The following ESR1 variants were observed in gnomAD, a reference collection of about 807,000 sequenced individuals.
ESR1 encodes estrogen receptor.
Under a neutral mutation model 52.7 loss-of-function variants are expected in ESR1, and 12 were observed. The ratio of observed to expected loss-of-function variants is 0.23; its 90% CI spans 0.15 to 0.37. The LOEUF (loss-of-function observed/expected upper bound fraction) is 0.37, where lower values mean the gene tolerates loss of function less well. Ranked by LOEUF, ESR1 falls within the 10% of genes least tolerant of loss-of-function variation. ESR1 has a pLI of 1.00. For missense variants in ESR1, 584 were observed against 779.7 expected (o/e 0.75, Z 2.99); for synonymous variants, 305 against 316.8 (o/e 0.96, Z 0.39).
chr6:151,719,674 T>C (rs183476745), intron 2 of ESR1, among the ~76,000 whole-genome samples: 34 of 152,320 alleles, frequency 2.2e-4, no homozygotes, highest in Non-Finnish European at 3.5e-4. Flanking sequence ...TTTCATACTA[T>C]CTCTACAATT....
intron 5 of ESR1, among the ~76,000 whole-genome samples, chr6:152,014,650 A>G (rs983873483): frequency 2.6e-5 from 4 of 152,086 alleles, no homozygotes; most frequent in Non-Finnish European, 2.9e-5. Context: ...CAAGTCATCT[A>G]TGAACTGCTT....
intron 6 of ESR1, among the ~76,000 whole-genome samples, chr6:152,108,378 T>A (rs964772728): frequency 6.6e-6 from 1 of 152,274 alleles, no homozygotes; most frequent in African/African-American, 2.4e-5. Flanking sequence ...ACTGTACTTA[T>A]ACAAATTTCA....
At chr6:152,037,798 G>A (rs890435062) in intron 5 of ESR1, among the ~76,000 whole-genome samples, 10 of 152,178 alleles carry the variant, frequency 6.6e-5, no homozygotes, top group African/African-American at 2.4e-4. Flanking sequence ...CAAGGCTAGA[G>A]AGTGGCCGGA....
chr6:151,756,554 A>C (rs1784301742), intron 2 of ESR1, among the ~76,000 whole-genome samples: 2 of 152,204 alleles, frequency 1.3e-5, no homozygotes, highest in South Asian at 4.1e-4. Context: ...GTCTCTCTAC[A>C]CTAGAATATA....
intron 2 of ESR1, among the ~76,000 whole-genome samples, chr6:151,879,147 C>G (rs549124440): frequency 6.6e-6 from 1 of 152,182 alleles, no homozygotes; most frequent in South Asian, 2.1e-4. Flanking sequence ...GTAAACAATA[C>G]CGGGAGGCTG....
intron 5 of ESR1, among the ~76,000 whole-genome samples, chr6:152,013,582 A>G (rs1383713627): frequency 6.6e-6 from 1 of 152,150 alleles, no homozygotes; most frequent in Non-Finnish European, 1.5e-5. Context: ...GAGGACAGTC[A>G]TCAAATAATT....
At chr6:152,067,557 A>G (rs897533399) in intron 6 of ESR1, among the ~76,000 whole-genome samples, 2 of 152,008 alleles carry the variant, frequency 1.3e-5, no homozygotes, top group African/African-American at 4.8e-5. Context: ...TAATGTATGG[A>G]CCCAGTTTAA....
intron 4 of ESR1, among the ~76,000 whole-genome samples, chr6:151,954,803 G>T (rs562620541): frequency 6.6e-6 from 1 of 152,112 alleles, no homozygotes; most frequent in African/African-American, 2.4e-5. Context: ...CATCAATAAG[G>T]CAGCAATGGA....
chr6:151,818,704 G>A (rs749059252), intron 1 of ESR1, among the ~76,000 whole-genome samples: 25 of 151,906 alleles, frequency 1.6e-4, no homozygotes, highest in Non-Finnish European at 3.7e-4. Flanking sequence ...TTCTCTTATT[G>A]CTGTTAGGAG....
intron 2 of ESR1, among the ~76,000 whole-genome samples, chr6:151,760,242 C>G (rs1784572408): frequency 6.6e-6 from 1 of 152,176 alleles, no homozygotes; most frequent in Admixed American, 6.5e-5. Flanking sequence ...TCCCTTGGGT[C>G]ACAGTCGTGT....
At chr6:151,730,196 C>CT (rs1224148346) in intron 2 of ESR1, among the ~76,000 whole-genome samples, 1 of 152,038 alleles carries the variant, frequency 6.6e-6, no homozygotes, top group African/African-American at 2.4e-5. Context: ...CATCCTGGTC[C>CT]TTAGCCCTGG....
At chr6:152,056,444 A>G (rs1469193981) in intron 5 of ESR1, among the ~76,000 whole-genome samples, 1 of 152,190 alleles carries the variant, frequency 6.6e-6, no homozygotes, top group East Asian at 1.9e-4. Context: ...AGAGATGCTA[A>G]TGGGTAACCT....
At chr6:151,901,277 G>A (rs905776006) in intron 3 of ESR1, among the ~76,000 whole-genome samples, 1 of 152,172 alleles carries the variant, frequency 6.6e-6, no homozygotes, top group Non-Finnish European at 1.5e-5. Flanking sequence ...CCCAAAACCG[G>A]TCTCACTCCT....
rs9371560 is a variant in ESR1, at chr6:151,894,703, T to C, written c.760+13932T>C. ...GCAAAGAGCAGTTGGCTGTAAGTAT[T>C]TGGGTTTATTTCTCGGTTCTCTACT... On this transcript the variant is annotated intron_variant, in intron 3 of 7. Transcript: ENST00000206249. Among the ~76,000 whole-genome samples, 766 of 152,226 alleles carry C rather than the reference T, an allele frequency of 5.0e-3. 21 individuals are homozygous for C. In the East Asian group the frequency reaches 0.067, roughly 13 times the overall value.
upstream of ESR1, among the ~76,000 whole-genome samples, chr6:151,686,299 A>G (rs1251888903): frequency 6.6e-6 from 1 of 152,150 alleles, no homozygotes; most frequent in African/African-American, 2.4e-5. Context: ...AGTGTCATTG[A>G]GGATGGGTCA....
intron 5 of ESR1, among the ~76,000 whole-genome samples, chr6:152,029,836 T>C (rs2044515106): frequency 6.6e-6 from 1 of 152,038 alleles, no homozygotes; most frequent in Non-Finnish European, 1.5e-5. Flanking sequence ...AGACACATAA[T>C]TGACAGATTC....
At chr6:151,905,466 G>A (rs1361615536) in intron 3 of ESR1, among the ~76,000 whole-genome samples, 1 of 152,142 alleles carries the variant, frequency 6.6e-6, no homozygotes, top group African/African-American at 2.4e-5. Context: ...GATGATAATT[G>A]AGGCAGAACT....
At chr6:151,795,487 CAA>C (rs61142527) in intron 2 of ESR1, among the ~76,000 whole-genome samples, 17,916 of 82,896 alleles carry the variant, frequency 0.22, 1,377 homozygotes, top group East Asian at 0.35. Flanking sequence ...GACTCCATCT[CAA>C]AAAAAAAAAA....
At chr6:152,010,618 A>T (rs1486889936) in intron 4 of ESR1, among the ~76,000 whole-genome samples, 1 of 152,064 alleles carries the variant, frequency 6.6e-6, no homozygotes, top group Admixed American at 6.6e-5. Flanking sequence ...GTGGTGTGTG[A>T]TTTATTTAGT....
Sources: allele counts gnomAD v4.1 joint callset (sites outside exome capture counted in the v4.1 genomes callset), GRCh38; gene constraint gnomAD v4.1.1; transcripts MANE v1.5; gene names NCBI Gene and HGNC (gene_info 2026-07-23, HGNC 2026-07-21).